The following DNAAF9 variants were observed in gnomAD, a reference collection of about 807,000 sequenced individuals.
DNAAF9 encodes shulin.
A neutral mutation model predicts 167.0 loss-of-function variants in DNAAF9; 90 were observed. The observed-to-expected ratio is 0.54, with a 90% CI of 0.45 to 0.64. DNAAF9 has a LOEUF of 0.64. Among genes scored for constraint, DNAAF9 ranks in the 30% least tolerant of loss-of-function variants. DNAAF9 has a pLI of 0.00. For synonymous variants in DNAAF9, 491 were observed against 508.8 expected, an observed-to-expected ratio of 0.96 and a Z score of 0.47; for missense variants, 1,315 against 1,442.2, an observed-to-expected ratio of 0.91 and a Z score of 1.43.
At chr20:3,269,160 G>C (rs1257071281) in intron 30 of DNAAF9, among the ~76,000 whole-genome samples, 1 of 150,984 alleles carries the variant, frequency 6.6e-6, no homozygotes. Flanking sequence ...GCCTGCCTTG[G>C]CCTCCCAAAG....
chr20:3,352,650 T>C (rs1392477488), intron 7 of DNAAF9, among the ~76,000 whole-genome samples: 1 of 152,152 alleles, frequency 6.6e-6, no homozygotes. Flanking sequence ...CTGGGATGAC[T>C]ACTATCTACC....
At chr20:3,290,315 G>A in intron 25 of DNAAF9, 98 bp from the exon 26 acceptor site, 1 of 778,872 alleles carries the variant, frequency 1.3e-6, no homozygotes, top group Non-Finnish European at 2.3e-6. Context: ...CATTGTGGGT[G>A]TGAACCTCAG....
chr20:3,298,352 T>C (rs1244845155), intron 21 of DNAAF9, among the ~76,000 whole-genome samples, 177 bp from the exon 22 acceptor site: 1 of 152,196 alleles, frequency 6.6e-6, no homozygotes. Context: ...TAAAAGGATT[T>C]TTTTTTTGAG....
rs370885245 is a variant in DNAAF9, at chr20:3,406,024, G to A, written c.83+1451C>T. Among the ~76,000 whole-genome samples the A allele has an allele frequency of 4.6e-5, 7 of 152,324 alleles. No individual in the cohort carries two copies. The East Asian group carries it at 9.6e-4, about 21-fold the overall frequency. ...AGGAATTACACTGAAGGGCAGAGCA[G>A]GAGTTCAAAAATGTCACCTGACAGA... On this transcript the variant is annotated intron_variant, in intron 1 of 36. Transcript: ENST00000252032.
At chr20:3,402,409 T>G (rs548851036) in intron 1 of DNAAF9, among the ~76,000 whole-genome samples, 4 of 150,494 alleles carry the variant, frequency 2.7e-5, no homozygotes, top group Non-Finnish European at 5.9e-5. Flanking sequence ...TCCACTCTGT[T>G]TGCATTTTTC....
chr20:3,329,771 C>T (rs185984879), intron 12 of DNAAF9, among the ~76,000 whole-genome samples: 67 of 152,234 alleles, frequency 4.4e-4, no homozygotes, highest in African/African-American at 1.6e-3. Flanking sequence ...TAATAAAATT[C>T]CATTATGTCC....
chr20:3,387,497 G>C (rs534853268), intron 1 of DNAAF9, among the ~76,000 whole-genome samples: 1 of 152,152 alleles, frequency 6.6e-6, no homozygotes, highest in Admixed American at 6.5e-5. Context: ...AACTCAAAAT[G>C]TATCAAAGAC....
At chr20:3,327,745 G>C (rs909339075) in intron 12 of DNAAF9, among the ~76,000 whole-genome samples, 6 of 152,158 alleles carry the variant, frequency 3.9e-5, no homozygotes, top group Admixed American at 2.0e-4. Context: ...ACTCAGATCT[G>C]CTCTCAGCCT....
intron 9 of DNAAF9, 48 bp from the exon 10 acceptor site, chr20:3,340,687 A>G (rs1436870446): frequency 1.3e-6 from 2 of 1,592,700 alleles, no homozygotes; most frequent in Non-Finnish European, 1.7e-6. Flanking sequence ...GTTCCTGGCC[A>G]AGGCAACCTT....
intron 31 of DNAAF9, among the ~76,000 whole-genome samples, chr20:3,262,248 CTT>C (rs953323176): frequency 2.8e-4 from 37 of 131,604 alleles, no homozygotes; most frequent in Admixed American, 3.8e-4. Flanking sequence ...AGTTCACATT[CTT>C]TTTTTTTTTT....
chr20:3,341,692 T>C (rs2070088633), intron 9 of DNAAF9, among the ~76,000 whole-genome samples: 1 of 152,222 alleles, frequency 6.6e-6, no homozygotes, highest in Non-Finnish European at 1.5e-5. Context: ...ATTTCTTCCC[T>C]GGACAACTGC....
At chr20:3,264,150 C>T (rs1266048235) in intron 31 of DNAAF9, among the ~76,000 whole-genome samples, 1 of 152,208 alleles carries the variant, frequency 6.6e-6, no homozygotes, top group East Asian at 1.9e-4. Context: ...GCACTTTGCC[C>T]TCAGTAGGGG....
At position 3,359,543 on chromosome 20, in the gene DNAAF9, A is replaced by G; in HGVS notation, c.663T>C (p.Pro221=). Reference sequence around the variant, plus strand: ...CTGAAAGCAAACTCTCCAGAGACATAGGATCCATCTTGCTGTAGACATTCC... The same window carrying G: ...CTGAAAGCAAACTCTCCAGAGACATGGGATCCATCTTGCTGTAGACATTCC... The part of the protein sequence containing the change: ...NLWNVYSKMD[P]MSLESLLSDD... The change falls in exon 7 of 37, where the codon CCT becomes CCC. Residue 221 remains proline, a synonymous_variant. Transcript: ENST00000252032. 3.1e-6 allele frequency: 5 copies of G among 1,612,134 alleles called. No individual in the cohort carries two copies. Among genetic ancestry groups the G allele is most frequent in the Non-Finnish European group, 3.4e-6 (4 of 1,179,080 alleles).
At chr20:3,371,846 T>G (rs1309098370) in intron 6 of DNAAF9, among the ~76,000 whole-genome samples, 1 of 152,182 alleles carries the variant, frequency 6.6e-6, no homozygotes, top group East Asian at 1.9e-4. Flanking sequence ...GTGGAGCTGA[T>G]TGATGTAAAT....
At chr20:3,346,127 C>T (rs1327660579) in intron 8 of DNAAF9, among the ~76,000 whole-genome samples, 1 of 152,204 alleles carries the variant, frequency 6.6e-6, no homozygotes, top group Non-Finnish European at 1.5e-5. Flanking sequence ...TATTTTTCAT[C>T]TGTGAGACTG....
At chr20:3,267,982 T>C (rs1225645966) in intron 30 of DNAAF9, among the ~76,000 whole-genome samples, 1 of 152,200 alleles carries the variant, frequency 6.6e-6, no homozygotes, top group Non-Finnish European at 1.5e-5. Flanking sequence ...AATACTTTTC[T>C]TGGTGTGGCT....
chr20:3,308,779 C>A (rs1482458237), intron 20 of DNAAF9, among the ~76,000 whole-genome samples: 1 of 151,458 alleles, frequency 6.6e-6, no homozygotes, highest in Non-Finnish European at 1.5e-5. Flanking sequence ...GAGTTTGAGA[C>A]CAGCCTAGCC....
chr20:3,265,582 A>C (rs1401131263), intron 30 of DNAAF9, among the ~76,000 whole-genome samples: 1 of 151,044 alleles, frequency 6.6e-6, no homozygotes, highest in Non-Finnish European at 1.5e-5. Flanking sequence ...CTCAGAAAAA[A>C]AAAAAAAAAA....
At chr20:3,257,895 A>G (rs2068309120) in intron 33 of DNAAF9, among the ~76,000 whole-genome samples, 1 of 152,134 alleles carries the variant, frequency 6.6e-6, no homozygotes. Context: ...ACACCCAGCT[A>G]ATTTTGTATT....
Sources: gnomAD v4.1 joint callset for allele counts (sites outside exome capture counted in the v4.1 genomes callset) on GRCh38, gnomAD v4.1.1 for gene constraint, MANE v1.5 for transcripts, NCBI Gene and HGNC (gene_info 2026-07-23, HGNC 2026-07-21) for gene names.